Variants in PLAC1 observed in about 807,000 individuals in gnomAD.
PLAC1 encodes the protein placenta associated 1.
For synonymous variants in PLAC1, 68 were observed against 62.1 expected, an observed-to-expected ratio of 1.09 and a Z score of -0.44; for missense variants, 136 against 163.2, an observed-to-expected ratio of 0.83 and a Z score of 0.91.
intron 1 of PLAC1, among the ~76,000 whole-genome samples, chrX:134,618,246 A>C (rs1345703070): frequency 8.9e-6 from 1 of 112,154 alleles, no homozygotes; most frequent in Non-Finnish European, 1.9e-5. Context: ...TGGATGGACC[A>C]CTGAGCATGG....
intron 1 of PLAC1, among the ~76,000 whole-genome samples, chrX:134,635,122 G>A (rs2078277615): frequency 2.7e-5 from 3 of 111,265 alleles, no homozygotes; most frequent in Admixed American, 1.9e-4. Flanking sequence ...GTTGTTAAGG[G>A]AACAACTTTT....
intron 2 of PLAC1, among the ~76,000 whole-genome samples, chrX:134,686,019 G>A (rs773936446): frequency 3.6e-5 from 4 of 111,256 alleles, no homozygotes; most frequent in Admixed American, 2.9e-4. Flanking sequence ...AAGTGAGGCC[G>A]AAAAGCCAAT....
chrX:134,651,808 C>T lies in PLAC1; in HGVS notation c.-131+6520G>A, dbSNP rs189006260. Among the ~76,000 whole-genome samples the T allele has an allele frequency of 8.5e-4, 93 of 109,243 alleles. 1 individual carries two copies. Among genetic ancestry groups the T allele is most frequent in the African/African-American group, 2.9e-3 (86 of 29,923 alleles). 94.9% of individuals were successfully genotyped at this position (109,243 alleles called of 115,157 possible). The stretch of plus-strand genomic sequence containing the variant: ...ACTTGGCCCCAGTCACCCACCAGGC[C>T]AAGTCCTGCCTGAGACCCTCAGGCT... On this transcript the variant is annotated intron_variant, in intron 1 of 2. Transcript: ENST00000359237.
intron 2 of PLAC1, among the ~76,000 whole-genome samples, chrX:134,693,791 T>A (rs1300518095): frequency 8.9e-6 from 1 of 111,738 alleles, no homozygotes; most frequent in East Asian, 2.8e-4. Flanking sequence ...TTAAATTGAG[T>A]TGAGAGACGT....
At chrX:134,609,328 A>G (rs1268115740) in intron 1 of PLAC1, among the ~76,000 whole-genome samples, 1 of 111,810 alleles carries the variant, frequency 8.9e-6, no homozygotes, top group Non-Finnish European at 1.9e-5. Context: ...ACTATTTATA[A>G]GATTATTTGT....
At chrX:134,742,673 G>T (rs1489925754) in intron 1 of PLAC1, among the ~76,000 whole-genome samples, 1 of 110,785 alleles carries the variant, frequency 9.0e-6, no homozygotes, top group Non-Finnish European at 1.9e-5. Context: ...TCCAAAGTAG[G>T]AATCAATAAA....
chrX:134,684,989 G>A (rs1050627985), intron 2 of PLAC1, among the ~76,000 whole-genome samples: 1 of 112,290 alleles, frequency 8.9e-6, no homozygotes, highest in Non-Finnish European at 1.9e-5. Flanking sequence ...GGCAAAAGGT[G>A]GTAAAGGAGA....
chrX:134,693,081 C>A (rs2078549716), intron 2 of PLAC1, among the ~76,000 whole-genome samples: 1 of 111,837 alleles, frequency 8.9e-6, no homozygotes, highest in Non-Finnish European at 1.9e-5. Context: ...GCATTCAAGG[C>A]CTTCAATCAC....
intron 2 of PLAC1, among the ~76,000 whole-genome samples, chrX:134,704,719 G>A (rs1241865299): frequency 3.9e-5 from 4 of 103,475 alleles, no homozygotes; most frequent in African/African-American, 7.0e-5. Context: ...ATGGCTGGGC[G>A]CAGTGGCTCA....
intron 1 of PLAC1, among the ~76,000 whole-genome samples, chrX:134,632,923 T>C (rs61408490): frequency 2.3e-4 from 26 of 111,211 alleles, no homozygotes; most frequent in African/African-American, 8.5e-4. Flanking sequence ...CCACAATCTG[T>C]CTCCAACCTT....
chrX:134,692,090 C>T (rs750459209), intron 2 of PLAC1, among the ~76,000 whole-genome samples: 4 of 111,977 alleles, frequency 3.6e-5, no homozygotes, highest in Non-Finnish European at 5.6e-5. Context: ...ATTTGATGAG[C>T]ATTTGGGAAG....
At chrX:134,665,124 TTGTG>T (rs1353147957) in intron 2 of PLAC1, among the ~76,000 whole-genome samples, 19 of 104,784 alleles carry the variant, frequency 1.8e-4, no homozygotes, top group Non-Finnish European at 3.5e-4. Flanking sequence ...GTGTGTGTGT[TTGTG>T]TGTATGTGTG....
chrX:134,709,558 C>T lies in PLAC1; in HGVS notation n.174+23877G>A, dbSNP rs186283182. Among the ~76,000 whole-genome samples the T allele has an allele frequency of 3.6e-3, 395 of 110,729 alleles. 4 individuals are homozygous for T. The highest frequency in any genetic ancestry group is 0.012 in the African/African-American group (371 of 30,394). On this transcript the variant is annotated intron_variant and non_coding_transcript_variant, in intron 2 of 2. Coordinates refer to the PLAC1 transcript ENST00000466797. ...GGAGAATCGCTTGAACCCGGGATCG[C>T]GCCACTGCACTCCAGCCTGGGAGAC...
intron 1 of PLAC1, among the ~76,000 whole-genome samples, chrX:134,754,062 C>T (rs1022362152): frequency 4.5e-5 from 5 of 112,057 alleles, no homozygotes; most frequent in African/African-American, 1.6e-4. Context: ...CTCTGCCTGG[C>T]GTAATTATGG....
Position 134,671,706 on chromosome X carries a change from G to A in PLAC1, n.174+61729C>T, listed in dbSNP as rs142556930. Among the ~76,000 whole-genome samples the A allele has an allele frequency of 9.9e-3, 1,100 of 111,317 alleles. 8 individuals are homozygous for A. The highest frequency in any genetic ancestry group is 0.015 in the Non-Finnish European group (812 of 52,984). Reference sequence around the variant, plus strand: ...CAACAGCAAGGGAGAAATCCACCTCGTGATCCAATCACCTCCAACTAGGAC... The same window carrying A: ...CAACAGCAAGGGAGAAATCCACCTCATGATCCAATCACCTCCAACTAGGAC... On this transcript the variant is annotated intron_variant and non_coding_transcript_variant, in intron 2 of 2. Transcript: ENST00000466797.
At chrX:134,725,167 C>T (rs763237169) in intron 2 of PLAC1, among the ~76,000 whole-genome samples, 13 of 111,560 alleles carry the variant, frequency 1.2e-4, no homozygotes, top group Non-Finnish European at 2.3e-4. Flanking sequence ...ATACCTGGTC[C>T]GCAGTAAGCT....
intron 2 of PLAC1, among the ~76,000 whole-genome samples, chrX:134,585,598 A>G (rs958111281): frequency 5.4e-5 from 6 of 111,094 alleles, no homozygotes; most frequent in African/African-American, 9.8e-5. Context: ...ACTCCAGCTC[A>G]TGGGTTAATG....
intron 1 of PLAC1, among the ~76,000 whole-genome samples, chrX:134,747,608 G>A (rs1020607178): frequency 1.8e-5 from 2 of 111,305 alleles, no homozygotes; most frequent in African/African-American, 6.5e-5. Flanking sequence ...AGACATTATG[G>A]GATCAGAAAG....
chrX:134,643,464 C>G (rs1481094997), intron 1 of PLAC1, among the ~76,000 whole-genome samples: 1 of 111,785 alleles, frequency 8.9e-6, no homozygotes, highest in Non-Finnish European at 1.9e-5. Flanking sequence ...GGACCGAAAA[C>G]TAACTCTATA....
Sources: gnomAD v4.1 joint callset for allele counts (sites outside exome capture counted in the v4.1 genomes callset) on GRCh38, gnomAD v4.1.1 for gene constraint, MANE v1.5 for transcripts, NCBI Gene and HGNC (gene_info 2026-07-23, HGNC 2026-07-21) for gene names.